GDF1: variants seen among roughly 807,000 people sequenced by gnomAD.
GDF1 encodes the protein embryonic growth/differentiation factor 1.
GDF1 carries 8 observed loss-of-function variants against 7.4 expected under a neutral mutation model. That is an observed-to-expected ratio of 1.09 (90% CI 0.64 to 1.96). The LOEUF (loss-of-function observed/expected upper bound fraction) is 1.96. GDF1 is among the 30% of genes most tolerant of loss of function. The pLI, the probability that GDF1 is intolerant of heterozygous loss-of-function variation, is 0.00. For missense variants in GDF1, 574 were observed against 551.5 expected (o/e 1.04, Z -0.41); for synonymous variants, 311 against 276.7 (o/e 1.12, Z -1.23).
At chr19:18,872,300 C>T (rs530837505) in intron 6 of GDF1, among the ~76,000 whole-genome samples, 81 of 152,194 alleles carry the variant, frequency 5.3e-4, no homozygotes, top group Admixed American at 9.8e-4. Flanking sequence ...GTGTGGGTGG[C>T]GGTGTACCCA....
chr19:18,876,634 C>T (rs2056065808), intron 6 of GDF1, among the ~76,000 whole-genome samples: 1 of 151,782 alleles, frequency 6.6e-6, no homozygotes, highest in Admixed American at 6.6e-5. Context: ...ATCCTCCTGC[C>T]TTGGCCTCCC....
chr19:18,895,779 C>G lies in GDF1; in HGVS notation c.-1074+45G>C. 9.1e-7 allele frequency: 1 copy of G among 1,095,910 alleles called. No individual in the cohort carries two copies. Among genetic ancestry groups the G allele is most frequent in the Non-Finnish European group, 1.1e-6 (1 of 872,446 alleles). The allele number at this position is 1,095,910 out of a possible 1,614,324, so 67.9% of individuals were successfully genotyped here. ...GGCCCCAGGTCCCCGGTCCCGGCTT[C>G]CCCCAGTCCGGGGTCCCCTCGTCCC... On this transcript the variant is annotated intron_variant, in intron 1 of 7. Coordinates refer to ENST00000247005, the MANE Select transcript of GDF1 (RefSeq NM_001492.6). The surrounding 1 kb of genome is among the most constrained non-coding windows in gnomAD (Gnocchi z 6.4).
At chr19:18,885,896 C>T (rs574693506) in intron 2 of GDF1, among the ~76,000 whole-genome samples, 3 of 152,260 alleles carry the variant, frequency 2.0e-5, no homozygotes, top group South Asian at 2.1e-4. Flanking sequence ...CTGACAGATG[C>T]GGCTGCCCAC....
intron 6 of GDF1, among the ~76,000 whole-genome samples, chr19:18,876,536 T>TG (rs1555703706): frequency 2.8e-5 from 4 of 143,276 alleles, no homozygotes; most frequent in East Asian, 2.1e-4. Flanking sequence ...TTTGATTGGG[T>TG]TGTGTGTGTG....
chr19:18,895,537 C>T lies in GDF1; in HGVS notation c.-1074+287G>A, dbSNP rs1568309211. Reference sequence around the variant, plus strand: ...CACGTCTCAAACATCCCACCTGTCTCGGGCCCCCCATGTCCCAGACTCACC... The same window carrying T: ...CACGTCTCAAACATCCCACCTGTCTTGGGCCCCCCATGTCCCAGACTCACC... On this transcript the variant is annotated intron_variant, in intron 1 of 7. Coordinates refer to ENST00000247005, the MANE Select transcript of GDF1 (RefSeq NM_001492.6). The surrounding 1 kb of genome is among the most constrained non-coding windows in gnomAD (Gnocchi z 6.4). Among the ~76,000 whole-genome samples the T allele has an allele frequency of 6.6e-6, 1 of 151,928 alleles. No homozygotes were observed. The highest frequency in any genetic ancestry group is 1.5e-5 in the Non-Finnish European group (1 of 67,964).
intron 6 of GDF1, among the ~76,000 whole-genome samples, chr19:18,874,045 C>T (rs1412855293): frequency 1.3e-5 from 2 of 152,084 alleles, no homozygotes; most frequent in Non-Finnish European, 2.9e-5. Flanking sequence ...TGGAGAAGAG[C>T]AGAGAGCACG....
intron 6 of GDF1, among the ~76,000 whole-genome samples, chr19:18,872,515 ATTT>A (rs1006396798): frequency 1.6e-5 from 2 of 125,874 alleles, no homozygotes; most frequent in African/African-American, 3.0e-5. Flanking sequence ...GCCCGGGGTA[ATTT>A]TTTTTTTTTT....
chr19:18,870,255 G>T lies in GDF1; in HGVS notation c.53C>A (p.Ala18Asp). ...PCGHHLLLLL[A>D]LLLPSLPLTR... ...CAGGGGCAGCGAGGGCAGCAGCAGGGCCAGGAGGAGGAGGAGGTGGTGGCC... is the reference window on the plus strand; with the variant it reads ...CAGGGGCAGCGAGGGCAGCAGCAGGTCCAGGAGGAGGAGGAGGTGGTGGCC... Residue 18 changes from alanine (A) to aspartate (D), a missense_variant, in exon 7 of 8, where the codon GCC becomes GAC. Coordinates refer to ENST00000247005, the MANE Select transcript of GDF1 (RefSeq NM_001492.6). This position sits in a 1 kb window ranked among gnomAD's most constrained non-coding sequence, Gnocchi z 5.1. 6.4e-7 allele frequency: 1 copy of T among 1,551,118 alleles called. No homozygotes were observed.
intron 6 of GDF1, among the ~76,000 whole-genome samples, chr19:18,872,842 T>G (rs1301254316): frequency 1.3e-5 from 2 of 151,772 alleles, no homozygotes; most frequent in African/African-American, 4.8e-5. Flanking sequence ...AGAGATGGGA[T>G]TTCACCACGT....
chr19:18,869,236 C>T lies in GDF1; in HGVS notation c.480G>A (p.Glu160=). The change falls in exon 8 of 8, where the codon GAG becomes GAA. Residue 160 remains glutamate (E), a synonymous_variant. Coordinates refer to ENST00000247005, the MANE Select transcript of GDF1 (RefSeq NM_001492.6). The part of the protein sequence containing the change: ...RFAAAAAAAP[E]GGWELSVAQA... ...GCGCCACGCTCAGCTCCCAGCCGCC[C>T]TCCGGGGCTGCCGCCGCCGCCGCCG... 1 of 1,415,224 alleles carries T rather than the reference C, an allele frequency of 7.1e-7. No individual in the cohort carries two copies. Among genetic ancestry groups the T allele is most frequent in the African/African-American group, 1.5e-5 (1 of 65,926 alleles). The allele number at this position is 1,415,224 out of a possible 1,614,324, so 87.7% of individuals were successfully genotyped here.
chr19:18,881,462 C>T (rs1359711346), intron 3 of GDF1, among the ~76,000 whole-genome samples: 1 of 151,406 alleles, frequency 6.6e-6, no homozygotes, highest in Non-Finnish European at 1.5e-5. Flanking sequence ...TCATGTGACC[C>T]ACCCGCCTTG....
At chr19:18,885,425 G>A (rs11670447) in intron 2 of GDF1, among the ~76,000 whole-genome samples, 6,366 of 151,822 alleles carry the variant, frequency 0.042, 132 homozygotes, top group East Asian at 0.097. Flanking sequence ...TCGAACTCCT[G>A]GGCTCAAGCA....
chr19:18,885,317 C>T (rs1395690331), intron 2 of GDF1, among the ~76,000 whole-genome samples: 1 of 152,002 alleles, frequency 6.6e-6, no homozygotes, highest in East Asian at 1.9e-4. Flanking sequence ...CCTCCCACCT[C>T]AGCCTCCTGA....
Position 18,869,441 on chromosome 19 carries a change from C to T in GDF1, c.326-51G>A, listed in dbSNP as rs1300144901. The T allele has an allele frequency of 3.3e-6, 5 of 1,515,476 alleles. No individual in the cohort carries two copies. In the South Asian group the frequency reaches 4.8e-5, roughly 15 times the overall value. 93.9% of individuals were successfully genotyped at this position (1,515,476 alleles called of 1,614,324 possible). ...GCTCGCGCTGCGTCCCCGGCCTGCC[C>T]ATGGGGTCTCGGTTAGGGACAGGGA... On this transcript the variant is annotated intron_variant, in intron 7 of 7. Transcript: ENST00000247005.
At chr19:18,874,776 C>CA (rs2056032594) in intron 6 of GDF1, among the ~76,000 whole-genome samples, 1 of 152,170 alleles carries the variant, frequency 6.6e-6, no homozygotes, top group Admixed American at 6.5e-5. Context: ...GGAAGGGGTA[C>CA]AGATGAGGGG....
At position 18,868,804 on chromosome 19, in the gene GDF1, G is replaced by T; in HGVS notation, c.912C>A (p.Val304=). ...NYCQGQCALP[V]ALSGSGGPPA... ...GCGGCCCCCCGGACCCCGACAGCGC[G>T]ACGGGCAGCGCGCACTGACCCTGGC... The change falls in exon 8 of 8, where the codon GTC becomes GTA. Residue 304 remains valine (V), a synonymous_variant. Transcript: ENST00000247005. The T allele has an allele frequency of 1.4e-6, 2 of 1,455,990 alleles. No homozygotes were observed. The highest frequency in any genetic ancestry group is 1.2e-5 in the South Asian group (1 of 80,596). 90.2% of individuals were successfully genotyped at this position (1,455,990 alleles called of 1,614,324 possible).
At position 18,895,961 on chromosome 19, in the gene GDF1, T is replaced by C; in HGVS notation, c.-1211A>G. The stretch of plus-strand genomic sequence containing the variant: ...CGCGCCAGCCCCCAGCCGCAGTCCG[T>C]GCAGCCCCGCGCCGCCGCCAGCGCG... On this transcript the variant is annotated 5_prime_UTR_variant, in exon 1 of 8. Transcript: ENST00000247005. This position sits in a 1 kb window ranked among gnomAD's most constrained non-coding sequence, Gnocchi z 6.4. 9.1e-7 allele frequency: 1 copy of C among 1,096,786 alleles called. No individual in the cohort carries two copies. Among genetic ancestry groups the C allele is most frequent in the Non-Finnish European group, 1.1e-6 (1 of 900,574 alleles). The allele number at this position is 1,096,786 out of a possible 1,614,324, so 67.9% of individuals were successfully genotyped here.
intron 6 of GDF1, among the ~76,000 whole-genome samples, chr19:18,875,251 A>T (rs1433477887): frequency 6.8e-6 from 1 of 147,872 alleles, no homozygotes; most frequent in Non-Finnish European, 1.5e-5. Flanking sequence ...AAAAAAAAAG[A>T]AAGAAAGAAA....
chr19:18,889,931 T>C (rs987274024), intron 2 of GDF1, among the ~76,000 whole-genome samples: 1 of 152,146 alleles, frequency 6.6e-6, no homozygotes, highest in Non-Finnish European at 1.5e-5. Context: ...TTCTAAACAT[T>C]TCTAAAATTG....
Sources: allele counts gnomAD v4.1 joint callset (sites outside exome capture counted in the v4.1 genomes callset), GRCh38; gene constraint gnomAD v4.1.1; non-coding constraint Gnocchi (gnomAD v3.1); transcripts MANE v1.5; gene names NCBI Gene and HGNC (gene_info 2026-07-23, HGNC 2026-07-21).